Variants in FAM53B observed in about 807,000 individuals in gnomAD.
FAM53B encodes protein FAM53B.
In FAM53B, 12 loss-of-function variants were observed where a neutral mutation model predicts 32.7. The ratio of observed to expected loss-of-function variants is 0.37; its 90% CI spans 0.24 to 0.59. The LOEUF is 0.59. FAM53B is among the 20% of genes least tolerant of loss of function. FAM53B has a pLI of 0.72. For missense variants in FAM53B, 477 were observed against 577.7 expected (o/e 0.83, Z 1.79); for synonymous variants, 234 against 228.7 (o/e 1.02, Z -0.21).
chr10:124,655,532 C>G (rs1284773802), intron 4 of FAM53B, among the ~76,000 whole-genome samples: 1 of 152,074 alleles, frequency 6.6e-6, no homozygotes, highest in South Asian at 2.1e-4. Flanking sequence ...AGCACTGGGG[C>G]TCTGGAGACA....
intron 1 of FAM53B, among the ~76,000 whole-genome samples, chr10:124,721,729 T>A (rs927720196): frequency 6.6e-6 from 1 of 152,230 alleles, no homozygotes; most frequent in Non-Finnish European, 1.5e-5. Flanking sequence ...ATAACCTGCC[T>A]GTGTCCTCGT....
At chr10:124,662,953 G>A (rs1259344274) in intron 4 of FAM53B, among the ~76,000 whole-genome samples, 2 of 152,206 alleles carry the variant, frequency 1.3e-5, no homozygotes, top group African/African-American at 4.8e-5. Context: ...CCTCAAGCCT[G>A]GAATGCCCAC....
chr10:124,644,187 G>A (rs778118117), intron 4 of FAM53B, among the ~76,000 whole-genome samples: 1 of 152,166 alleles, frequency 6.6e-6, no homozygotes, highest in African/African-American at 2.4e-5. Flanking sequence ...TCTACCGCCT[G>A]GTCACTTGGC....
At chr10:124,654,839 G>A (rs1032775394) in intron 4 of FAM53B, among the ~76,000 whole-genome samples, 3 of 152,198 alleles carry the variant, frequency 2.0e-5, no homozygotes, top group African/African-American at 4.8e-5. Flanking sequence ...AGGCCCCGGC[G>A]TGCCTCTGCT....
intron 4 of FAM53B, among the ~76,000 whole-genome samples, chr10:124,665,457 T>C (rs1949663982): frequency 6.6e-6 from 1 of 152,226 alleles, no homozygotes; most frequent in African/African-American, 2.4e-5. Context: ...GAGAGCTTCT[T>C]AGCTCCCCTG....
In FAM53B at chr10:124,651,871, G is replaced by A. The variant is rs972092540; in HGVS notation, c.907-28267C>T. Among the ~76,000 whole-genome samples, 2 of 152,196 alleles carry A rather than the reference G, an allele frequency of 1.3e-5. No individual in the cohort carries two copies. Among genetic ancestry groups the A allele is most frequent in the Admixed American group, 6.5e-5 (1 of 15,286 alleles). Reference sequence around the variant, plus strand: ...CGTCAGGACAACTGCGACTGAGGGCGGTTCTCAACCCAGACAGCCTTTGCT... The same window carrying A: ...CGTCAGGACAACTGCGACTGAGGGCAGTTCTCAACCCAGACAGCCTTTGCT... On this transcript the variant is annotated intron_variant, in intron 4 of 4. Coordinates refer to ENST00000337318, the MANE Select transcript of FAM53B (RefSeq NM_014661.4). The surrounding 1 kb of genome is among the most constrained non-coding windows in gnomAD (Gnocchi z 5.2).
At chr10:124,677,459 C>G (rs1949743675) in intron 4 of FAM53B, among the ~76,000 whole-genome samples, 1 of 152,274 alleles carries the variant, frequency 6.6e-6, no homozygotes, top group Admixed American at 6.5e-5. Context: ...GGGATCGCAG[C>G]ATAGCCAGTC....
chr10:124,735,115 A>G (rs1410108141), intron 1 of FAM53B, among the ~76,000 whole-genome samples: 1 of 152,192 alleles, frequency 6.6e-6, no homozygotes, highest in Admixed American at 6.5e-5. Context: ...TGTCCAAGGC[A>G]GCTCCCCCAA....
At chr10:124,692,821 G>A (rs1160312039) in intron 3 of FAM53B, among the ~76,000 whole-genome samples, 1 of 152,012 alleles carries the variant, frequency 6.6e-6, no homozygotes, top group African/African-American at 2.4e-5. Flanking sequence ...ACTTGAAAGG[G>A]TGGCATTTTA....
chr10:124,698,157 G>A (rs1217820929), intron 2 of FAM53B, among the ~76,000 whole-genome samples: 2 of 152,174 alleles, frequency 1.3e-5, no homozygotes, highest in African/African-American at 2.4e-5. Context: ...GGGAACACCT[G>A]GGCACAAGGA....
In FAM53B at chr10:124,626,388, G is replaced by GCCC. The variant is rs34542605; in HGVS notation, c.907-2787_907-2785dup. Among the ~76,000 whole-genome samples, 224 of 101,726 alleles carry GCCC rather than the reference G, an allele frequency of 2.2e-3. 8 individuals carry two copies. Among genetic ancestry groups the GCCC allele is most frequent in the East Asian group, 8.5e-3 (27 of 3,158 alleles). 66.7% of individuals were successfully genotyped at this position (101,726 alleles called of 152,430 possible). On this transcript the variant is annotated intron_variant, in intron 4 of 4. Coordinates refer to ENST00000337318, the MANE Select transcript of FAM53B (RefSeq NM_014661.4). The stretch of plus-strand genomic sequence containing the variant: ...CCGTGGTGCTACGGTCGAAATTTGT[G>GCCC]CCCCCCCCCCCCCCACCATTCCTCA...
intron 4 of FAM53B, among the ~76,000 whole-genome samples, chr10:124,677,341 T>G (rs985572557): frequency 4.6e-5 from 7 of 152,210 alleles, no homozygotes; most frequent in African/African-American, 1.7e-4. Flanking sequence ...ACATTGTCAT[T>G]GTGCAAAAGG....
At chr10:124,680,006 G>A (rs375445965) in intron 4 of FAM53B, among the ~76,000 whole-genome samples, 2 of 152,120 alleles carry the variant, frequency 1.3e-5, no homozygotes, top group South Asian at 2.1e-4. Context: ...CCCAGAACTC[G>A]GGGCTCTTGG....
intron 1 of FAM53B, among the ~76,000 whole-genome samples, chr10:124,732,368 A>C (rs927962303): frequency 1.8e-4 from 28 of 152,280 alleles, no homozygotes; most frequent in Admixed American, 5.9e-4. Context: ...TCGTCGTCTT[A>C]CAAGTGCAGG....
chr10:124,727,789 G>A (rs752471743), intron 1 of FAM53B, among the ~76,000 whole-genome samples: 13 of 152,194 alleles, frequency 8.5e-5, no homozygotes, highest in Middle Eastern at 3.4e-3. Flanking sequence ...CACCGTGGAC[G>A]GCTCTGGCTA....
chr10:124,699,472 C>A (rs952497849), intron 2 of FAM53B, among the ~76,000 whole-genome samples: 4 of 152,246 alleles, frequency 2.6e-5, no homozygotes, highest in African/African-American at 9.6e-5. Flanking sequence ...TGCCGGTCTC[C>A]AACACTCTAC....
intron 2 of FAM53B, among the ~76,000 whole-genome samples, chr10:124,705,048 T>C (rs1009324980): frequency 1.3e-5 from 2 of 152,180 alleles, no homozygotes; most frequent in African/African-American, 4.8e-5. Flanking sequence ...ACACCTCAGG[T>C]GCCTGCTGTC....
rs115794795 is a variant in FAM53B, at chr10:124,686,122, T to C, written c.134-3743A>G. The stretch of plus-strand genomic sequence containing the variant: ...AGTACAACTCCTCCCCCCAGCTTTG[T>C]GTAGACAACCCAAAAGGGTAATTCT... On this transcript the variant is annotated intron_variant, in intron 3 of 4. Transcript: ENST00000337318. Among the ~76,000 whole-genome samples, 527 of 152,320 alleles carry C rather than the reference T, an allele frequency of 3.5e-3. 3 individuals carry two copies. Among genetic ancestry groups the C allele is most frequent in the African/African-American group, 0.011 (453 of 41,580 alleles).
At chr10:124,719,913 A>G (rs1372028612) in intron 1 of FAM53B, among the ~76,000 whole-genome samples, 1 of 152,234 alleles carries the variant, frequency 6.6e-6, no homozygotes, top group African/African-American at 2.4e-5. Context: ...CTGTAATCCC[A>G]GCACTTTGGG....
Sources: allele counts gnomAD v4.1 joint callset (sites outside exome capture counted in the v4.1 genomes callset), GRCh38; gene constraint gnomAD v4.1.1; non-coding constraint Gnocchi (gnomAD v3.1); transcripts MANE v1.5; gene names NCBI Gene and HGNC (gene_info 2026-07-23, HGNC 2026-07-21).